Variants in MYT1L observed in about 807,000 individuals in gnomAD.
The protein encoded by MYT1L is myelin transcription factor 1 like.
A neutral mutation model predicts 126.7 loss-of-function variants in MYT1L; 12 were observed. That is an observed-to-expected ratio of 0.09 (90% CI 0.06 to 0.15). MYT1L has a LOEUF of 0.15. MYT1L is among the 10% of genes least tolerant of loss of function. The probability of loss-of-function intolerance (pLI) is 1.00; values close to 1 mark genes in which losing one functional copy is unlikely to be tolerated. For synonymous variants in MYT1L, 541 were observed against 604.2 expected (o/e 0.90, Z 1.53); for missense variants, 979 against 1,585.2 (o/e 0.62, Z 6.49).
intron 18 of MYT1L, 113 bp from the exon 19 acceptor site, chr2:1,851,816 G>T: frequency 9.8e-7 from 1 of 1,016,178 alleles, no homozygotes; most frequent in Non-Finnish European, 1.5e-6. Flanking sequence ...CTTCCTACTT[G>T]AAAGAGGCTG....
intron 2 of MYT1L, among the ~76,000 whole-genome samples, chr2:2,264,396 C>G (rs758752210): frequency 2.6e-5 from 4 of 151,960 alleles, no homozygotes; most frequent in Admixed American, 6.6e-5. Context: ...CCCCCAAACC[C>G]CACCCCCAAA....
intron 8 of MYT1L, among the ~76,000 whole-genome samples, chr2:1,975,019 T>C (rs928185881): frequency 5.3e-5 from 8 of 152,186 alleles, no homozygotes; most frequent in African/African-American, 9.7e-5. Flanking sequence ...ATAAAATAAA[T>C]ATTATAACCT....
At position 1,918,003 on chromosome 2, in the gene MYT1L, G is replaced by T. The variant is rs185585897; in HGVS notation, c.1484-664C>A. ...AATCAACATGTTTCAGAAGCCACGGGAGCAGCCTTTTGTTTTGATTTCTTC... is the reference window on the plus strand; with the variant it reads ...AATCAACATGTTTCAGAAGCCACGGTAGCAGCCTTTTGTTTTGATTTCTTC... On this transcript the variant is annotated intron_variant, in intron 10 of 24. Transcript: ENST00000647738. 1.9e-3 allele frequency among the ~76,000 whole-genome samples: 293 copies of T among 152,298 alleles called. 1 individual carries two copies. The highest frequency in any genetic ancestry group is 3.6e-3 in the Non-Finnish European group (246 of 68,030).
chr2:1,901,741 G>A (rs1431046795), intron 14 of MYT1L, among the ~76,000 whole-genome samples: 2 of 152,188 alleles, frequency 1.3e-5, no homozygotes, highest in Non-Finnish European at 2.9e-5. Context: ...TTTTGATACA[G>A]AGTCTTGCTC....
intron 2 of MYT1L, among the ~76,000 whole-genome samples, chr2:2,276,982 T>C (rs1434262552): frequency 1.3e-5 from 2 of 151,248 alleles, no homozygotes; most frequent in Non-Finnish European, 2.9e-5. Context: ...TTCTTTTTTT[T>C]TCTCTTTTTC....
chr2:2,078,147 C>A (rs2075415220), intron 3 of MYT1L, among the ~76,000 whole-genome samples: 1 of 151,970 alleles, frequency 6.6e-6, no homozygotes, highest in South Asian at 2.1e-4. Flanking sequence ...TAACAGCTAA[C>A]TGTAATTTCC....
intron 2 of MYT1L, among the ~76,000 whole-genome samples, chr2:2,222,306 C>A (rs1374550686): frequency 6.6e-6 from 1 of 151,920 alleles, no homozygotes; most frequent in Non-Finnish European, 1.5e-5. Flanking sequence ...ACCAGCCTGG[C>A]CAACATGGAG....
intron 3 of MYT1L, among the ~76,000 whole-genome samples, chr2:2,154,540 G>T (rs2086394322): frequency 6.6e-6 from 1 of 152,158 alleles, no homozygotes. Context: ...AACATGGATG[G>T]AGCTGGAGGC....
rs1446019906 is a variant in MYT1L, at chr2:2,228,992, C to G, written c.-421+55412G>C. 3.3e-5 allele frequency among the ~76,000 whole-genome samples: 5 copies of G among 152,144 alleles called. No homozygotes were observed. The highest frequency in any genetic ancestry group is 1.2e-4 in the African/African-American group (5 of 41,432). ...CCAACGTATCCAGCTGAGCTCCTGG[C>G]TCCGATTTCTCAGCAGCAAACAGCC... On this transcript the variant is annotated intron_variant, in intron 2 of 24. Transcript: ENST00000647738. The surrounding 1 kb of genome is among the most constrained non-coding windows in gnomAD (Gnocchi z 5.9).
intron 2 of MYT1L, among the ~76,000 whole-genome samples, chr2:2,282,025 C>A (rs2095454589): frequency 6.6e-6 from 1 of 152,148 alleles, no homozygotes; most frequent in Admixed American, 6.5e-5. Context: ...TCTCGAAATT[C>A]TCAGAGTTAC....
chr2:2,288,025 A>G (rs2095548177), intron 1 of MYT1L, among the ~76,000 whole-genome samples: 2 of 152,240 alleles, frequency 1.3e-5, no homozygotes, highest in Non-Finnish European at 2.9e-5. Context: ...TCAGACAGAC[A>G]TCAGATTTAT....
intron 8 of MYT1L, among the ~76,000 whole-genome samples, chr2:1,977,166 G>A (rs1265282605): frequency 2.6e-5 from 4 of 152,144 alleles, no homozygotes; most frequent in African/African-American, 7.2e-5. Flanking sequence ...CTCTTGGCCC[G>A]AGAGCTTCCA....
chr2:2,299,223 T>G (rs1452602803), intron 1 of MYT1L, among the ~76,000 whole-genome samples: 1 of 152,184 alleles, frequency 6.6e-6, no homozygotes, highest in Non-Finnish European at 1.5e-5. Context: ...CTCCAGGGAC[T>G]TGGCACTAAG....
At chr2:2,308,809 C>T (rs1259480848) in intron 1 of MYT1L, among the ~76,000 whole-genome samples, 1 of 151,826 alleles carries the variant, frequency 6.6e-6, no homozygotes, top group African/African-American at 2.4e-5. Flanking sequence ...CTACACTTTA[C>T]TATATTCTAC....
chr2:1,797,891 G>C (rs1572324631), intron 23 of MYT1L, among the ~76,000 whole-genome samples: 1 of 106,018 alleles, frequency 9.4e-6, no homozygotes, highest in Non-Finnish European at 2.0e-5. Flanking sequence ...CAGGCGCGGC[G>C]GTCTCCCCCT....
intron 2 of MYT1L, among the ~76,000 whole-genome samples, chr2:2,178,502 G>A (rs181206078): frequency 1.4e-4 from 22 of 152,284 alleles, no homozygotes; most frequent in Admixed American, 1.1e-3. Context: ...AAGGCGGATT[G>A]GTGCCGTGTC....
At chr2:1,824,506 T>A (rs567000334) in intron 21 of MYT1L, 1 of 152,414 alleles carries the variant, frequency 6.6e-6, no homozygotes, top group Non-Finnish European at 1.5e-5. Context: ...CCTCTGCATT[T>A]GAGCTGCTCT....
intron 5 of MYT1L, among the ~76,000 whole-genome samples, chr2:1,986,774 G>C (rs1287208027): frequency 6.6e-6 from 1 of 152,074 alleles, no homozygotes; most frequent in African/African-American, 2.4e-5. Flanking sequence ...CAGGCCAAGG[G>C]GGTCGTCAGA....
chr2:2,005,069 T>TGCGTTCTTTCCTGCAG (rs1275079451), intron 4 of MYT1L, among the ~76,000 whole-genome samples: 5 of 147,714 alleles, frequency 3.4e-5, no homozygotes, highest in Non-Finnish European at 7.4e-5. Context: ...CTTTCCTGCA[T>TGCGTTCTTTCCTGCAG]GCGTTCTTTC....
Sources: allele counts gnomAD v4.1 joint callset (sites outside exome capture counted in the v4.1 genomes callset), GRCh38; gene constraint gnomAD v4.1.1; non-coding constraint Gnocchi (gnomAD v3.1); transcripts MANE v1.5; gene names NCBI Gene and HGNC (gene_info 2026-07-23, HGNC 2026-07-21).